RASSF8: variants seen among roughly 807,000 people sequenced by gnomAD.
RASSF8 encodes the protein Ras association domain family member 8.
Under a neutral mutation model 48.5 loss-of-function variants are expected in RASSF8, and 22 were observed. The ratio of observed to expected loss-of-function variants is 0.45; its 90% CI spans 0.32 to 0.65. RASSF8 has a LOEUF of 0.65. Ranked by LOEUF, RASSF8 falls within the 30% of genes least tolerant of loss-of-function variation. RASSF8 has a pLI of 0.03. For synonymous variants in RASSF8, 127 were observed against 171.5 expected (o/e 0.74, Z 2.03); for missense variants, 418 against 489.2 (o/e 0.85, Z 1.37).
At chr12:26,015,371 A>C (rs909050955) in intron 2 of RASSF8, among the ~76,000 whole-genome samples, 2 of 152,206 alleles carry the variant, frequency 1.3e-5, no homozygotes, top group Non-Finnish European at 2.9e-5. Context: ...GACAGTAATC[A>C]ATTATCGTTC....
chr12:26,078,522 A>G (rs1183345061), intron 5 of RASSF8, among the ~76,000 whole-genome samples: 1 of 152,202 alleles, frequency 6.6e-6, no homozygotes, highest in Non-Finnish European at 1.5e-5. Context: ...CCTGGCTGTG[A>G]GCCAGTAACC....
At chr12:25,976,022 T>A (rs988434304) in intron 1 of RASSF8, among the ~76,000 whole-genome samples, 1 of 152,012 alleles carries the variant, frequency 6.6e-6, no homozygotes, top group Non-Finnish European at 1.5e-5. Flanking sequence ...ACCCAGAAAT[T>A]TTGGACCTTA....
At chr12:25,994,284 A>ATTTT (rs1942082128) in intron 1 of RASSF8, among the ~76,000 whole-genome samples, 1 of 152,164 alleles carries the variant, frequency 6.6e-6, no homozygotes, top group Non-Finnish European at 1.5e-5. Flanking sequence ...TTTTTAAAAA[A>ATTTT]AAAAAAAATG....
chr12:26,068,544 T>A (rs1943932210), intron 5 of RASSF8, among the ~76,000 whole-genome samples, 153 bp from the exon 6 acceptor site: 1 of 152,214 alleles, frequency 6.6e-6, no homozygotes, highest in South Asian at 2.1e-4. Context: ...GAGAAGGTTT[T>A]AGCCTTCTCC....
chr12:26,075,110 G>C (rs371539163), downstream of RASSF8, among the ~76,000 whole-genome samples: 7 of 152,080 alleles, frequency 4.6e-5, no homozygotes, highest in Admixed American at 3.3e-4. Flanking sequence ...GTTTGTGCAC[G>C]TAACAAATTT....
At chr12:26,045,292 AAGTAT>A (rs1207824022) in intron 2 of RASSF8, among the ~76,000 whole-genome samples, 1 of 152,208 alleles carries the variant, frequency 6.6e-6, no homozygotes, top group African/African-American at 2.4e-5. Flanking sequence ...TCAACTGAAT[AAGTAT>A]AGTAAAGAAA....
chr12:25,962,598 CT>C (rs542826402), intron 1 of RASSF8, among the ~76,000 whole-genome samples: 26 of 149,356 alleles, frequency 1.7e-4, no homozygotes, highest in South Asian at 1.3e-3. Flanking sequence ...GTATCTTTAT[CT>C]TTTTTTTTTG....
At position 26,027,934 on chromosome 12, in the gene RASSF8, G is replaced by T. The variant is rs182219092; in HGVS notation, c.-108-27302G>T. Among the ~76,000 whole-genome samples the T allele has an allele frequency of 1.6e-3, 247 of 152,264 alleles. 1 individual carries two copies. The highest frequency in any genetic ancestry group is 5.6e-3 in the African/African-American group (233 of 41,542). On this transcript the variant is annotated intron_variant, in intron 2 of 5. Transcript: ENST00000689635. ...CATGGAAAACGGGATGTAGAAGTCA[G>T]GACAAAGGAGTGGCTGTGAGGAACG...
At chr12:26,029,806 T>C (rs1187337992) in intron 2 of RASSF8, among the ~76,000 whole-genome samples, 1 of 152,228 alleles carries the variant, frequency 6.6e-6, no homozygotes, top group African/African-American at 2.4e-5. Context: ...TCTCAAACTA[T>C]GACGTCCGAG....
chr12:26,026,901 C>T (rs1257220332), intron 2 of RASSF8, among the ~76,000 whole-genome samples: 1 of 152,104 alleles, frequency 6.6e-6, no homozygotes, highest in Non-Finnish European at 1.5e-5. Flanking sequence ...TAATTACATA[C>T]CCAAGTGAAG....
chr12:26,069,836 C>G lies in RASSF8; in HGVS notation c.*1018C>G. The stretch of plus-strand genomic sequence containing the variant: ...CATAATTTGCTCTGCATATTATGGA[C>G]CATTGTGGTTTCTTCCAGTCACTTA... On this transcript the variant is annotated 3_prime_UTR_variant, in exon 6 of 6. Transcript: ENST00000689635. 1 of 985,014 alleles carries G rather than the reference C, an allele frequency of 1.0e-6. No homozygotes were observed. The highest frequency in any genetic ancestry group is 1.2e-6 in the Non-Finnish European group (1 of 829,604). The allele number at this position is 985,014 out of a possible 1,614,324, so 61.0% of individuals were successfully genotyped here.
chr12:25,996,035 A>C (rs1942125235), intron 2 of RASSF8, among the ~76,000 whole-genome samples: 1 of 152,170 alleles, frequency 6.6e-6, no homozygotes, highest in African/African-American at 2.4e-5. Context: ...TTATATGGAG[A>C]GACTGGACTC....
chr12:26,074,340 T>C (rs918680387), downstream of RASSF8, among the ~76,000 whole-genome samples: 6 of 152,066 alleles, frequency 3.9e-5, no homozygotes, highest in African/African-American at 1.4e-4. Context: ...ATTTGTTCTC[T>C]ACCTTCAGGA....
In RASSF8 at chr12:26,071,410, T is replaced by TAAA; in HGVS notation, c.*2597_*2599dup. 1 of 922,472 alleles carries TAAA rather than the reference T, an allele frequency of 1.1e-6. No individual in the cohort carries two copies. Among genetic ancestry groups the TAAA allele is most frequent in the Non-Finnish European group, 1.3e-6 (1 of 773,264 alleles). The allele number at this position is 922,472 out of a possible 1,614,324, so 57.1% of individuals were successfully genotyped here. A position where few individuals can be genotyped will look rare whatever the true frequency, so the allele number is the denominator to read the frequency against. On this transcript the variant is annotated 3_prime_UTR_variant, in exon 6 of 6. Transcript: ENST00000689635. ...AGATTTCAATGTTTTGTGTTTTTTTTAAAAAAATCATATTGCAACTTGTTT... is the reference window on the plus strand; with the variant it reads ...AGATTTCAATGTTTTGTGTTTTTTTTAAAAAAAAAATCATATTGCAACTTGTTT...
intron 2 of RASSF8, among the ~76,000 whole-genome samples, chr12:26,028,200 T>G (rs112619489): frequency 5.0e-5 from 3 of 59,540 alleles, no homozygotes; most frequent in African/African-American, 1.4e-4. Flanking sequence ...CTTCATTTTC[T>G]TTCCCTGTAC....
At chr12:26,011,438 A>G (rs1040834890) in intron 2 of RASSF8, among the ~76,000 whole-genome samples, 2 of 152,168 alleles carry the variant, frequency 1.3e-5, no homozygotes, top group African/African-American at 4.8e-5. Context: ...TGACTCTTCT[A>G]AGCCTTGCTT....
At chr12:26,076,712 C>T (rs544138397), downstream of RASSF8, among the ~76,000 whole-genome samples, 4 of 152,252 alleles carry the variant, frequency 2.6e-5, no homozygotes, top group African/African-American at 7.2e-5. Context: ...GTGAATAGTG[C>T]CACAATAAAC....
chr12:26,060,764 T>A (rs1199350389), intron 3 of RASSF8, among the ~76,000 whole-genome samples: 1 of 152,200 alleles, frequency 6.6e-6, no homozygotes, highest in East Asian at 1.9e-4. Flanking sequence ...AAGCAAAATA[T>A]CTACTATCAG....
chr12:26,033,248 A>T (rs1242370235), intron 2 of RASSF8, among the ~76,000 whole-genome samples: 2 of 152,210 alleles, frequency 1.3e-5, no homozygotes, highest in Admixed American at 1.3e-4. Flanking sequence ...ATTTCAAGGT[A>T]TGCTGGAGTT....
Sources: gnomAD v4.1 joint callset for allele counts (sites outside exome capture counted in the v4.1 genomes callset) on GRCh38, gnomAD v4.1.1 for gene constraint, MANE v1.5 for transcripts, NCBI Gene and HGNC (gene_info 2026-07-23, HGNC 2026-07-21) for gene names.